PDE11A: variants seen among roughly 807,000 people sequenced by gnomAD.
The protein encoded by PDE11A is phosphodiesterase 11A.
Under a neutral mutation model 100.5 loss-of-function variants are expected in PDE11A, and 100 were observed. That is an observed-to-expected ratio of 1.00 (90% CI 0.85 to 1.18). The LOEUF is 1.18. Ranked by LOEUF, PDE11A falls within the 50% of genes most tolerant of loss-of-function variation. PDE11A has a pLI of 0.00. For missense variants in PDE11A, 1,141 were observed against 1,152.6 expected (o/e 0.99, Z 0.15); for synonymous variants, 381 against 420.8 (o/e 0.91, Z 1.16).
rs1176219148 is a variant in PDE11A, at chr2:177,624,164, T to C, written c.*5243A>G. 1 of 152,180 alleles carries C rather than the reference T, an allele frequency of 6.6e-6. No homozygotes were observed. Among genetic ancestry groups the C allele is most frequent in the Non-Finnish European group, 1.5e-5 (1 of 68,020 alleles). 9.4% of individuals were successfully genotyped at this position (152,180 alleles called of 1,614,324 possible). ...TCAGAGACTGTTACTCTGAAGCAGA[T>C]AATGAAACTTCATTACAGTGGCATT... is the stretch of plus-strand genomic sequence containing the variant. On this transcript the variant is annotated 3_prime_UTR_variant, in exon 20 of 20. Coordinates refer to ENST00000286063, the MANE Select transcript of PDE11A (RefSeq NM_016953.4).
At chr2:177,724,226 C>T (rs1405110512) in intron 12 of PDE11A, among the ~76,000 whole-genome samples, 1 of 151,800 alleles carries the variant, frequency 6.6e-6, no homozygotes, top group Admixed American at 6.6e-5. Flanking sequence ...AATTTCAGAC[C>T]AGAGGCATGG....
chr2:177,985,825 G>A (rs1191311783), intron 2 of PDE11A, among the ~76,000 whole-genome samples: 2 of 152,202 alleles, frequency 1.3e-5, no homozygotes, highest in Non-Finnish European at 2.9e-5. Flanking sequence ...TATGTGAAGA[G>A]CAGAACAATG....
At chr2:177,870,777 G>A (rs376053306) in intron 5 of PDE11A, among the ~76,000 whole-genome samples, 6 of 152,308 alleles carry the variant, frequency 3.9e-5, no homozygotes, top group African/African-American at 1.4e-4. Context: ...GATAATTCAT[G>A]TGCAGTACTT....
intron 13 of PDE11A, among the ~76,000 whole-genome samples, chr2:177,705,128 C>A (rs1448313864): frequency 6.6e-6 from 1 of 152,122 alleles, no homozygotes; most frequent in African/African-American, 2.4e-5. Context: ...GCATGAGCCA[C>A]TGTGCCTGGC....
intron 9 of PDE11A, among the ~76,000 whole-genome samples, chr2:177,803,225 C>G (rs1440745802): frequency 2.0e-5 from 3 of 151,304 alleles, no homozygotes; most frequent in Non-Finnish European, 3.0e-5. Flanking sequence ...AAGCAAAATC[C>G]CTCATTAAAA....
At chr2:178,036,763 C>T (rs1039565399) in intron 1 of PDE11A, among the ~76,000 whole-genome samples, 2 of 152,088 alleles carry the variant, frequency 1.3e-5, no homozygotes, top group Non-Finnish European at 2.9e-5. Flanking sequence ...CAAAAACAAG[C>T]AGTGGAGAAA....
At chr2:177,730,615 G>A (rs1329083572) in intron 10 of PDE11A, among the ~76,000 whole-genome samples, 2 of 150,926 alleles carry the variant, frequency 1.3e-5, no homozygotes, top group African/African-American at 2.4e-5. Flanking sequence ...TTAATACCAC[G>A]GTTTTCATTC....
chr2:177,735,158 A>G (rs1343079210), intron 10 of PDE11A, among the ~76,000 whole-genome samples: 1 of 152,254 alleles, frequency 6.6e-6, no homozygotes, highest in Admixed American at 6.5e-5. Flanking sequence ...GGGGCACCAC[A>G]GGAACCCCCG....
chr2:177,829,777 C>A (rs1041522711), intron 6 of PDE11A, among the ~76,000 whole-genome samples: 12 of 151,956 alleles, frequency 7.9e-5, no homozygotes, highest in African/African-American at 2.7e-4. Context: ...TCTAAGATGG[C>A]CTCTAAGAAT....
At chr2:177,805,293 A>C (rs2082853872) in intron 9 of PDE11A, among the ~76,000 whole-genome samples, 1 of 151,954 alleles carries the variant, frequency 6.6e-6, no homozygotes, top group African/African-American at 2.4e-5. Context: ...CCTTACAAGA[A>C]TTTATCACAA....
At chr2:177,836,022 G>A (rs1010928864) in intron 6 of PDE11A, among the ~76,000 whole-genome samples, 8 of 152,188 alleles carry the variant, frequency 5.3e-5, no homozygotes, top group Non-Finnish European at 8.8e-5. Context: ...TGCAGCACCC[G>A]GTCCTATCGA....
At chr2:178,066,848 A>C (rs1053666708) in intron 1 of PDE11A, among the ~76,000 whole-genome samples, 11 of 152,074 alleles carry the variant, frequency 7.2e-5, no homozygotes, top group African/African-American at 2.7e-4. Context: ...ATCCCTTCGG[A>C]CTCTCAGACT....
intron 15 of PDE11A, among the ~76,000 whole-genome samples, chr2:177,695,845 G>A (rs982249413): frequency 2.0e-5 from 3 of 152,160 alleles, no homozygotes; most frequent in Non-Finnish European, 2.9e-5. Context: ...TCTAACTGAT[G>A]CAATGCCACA....
chr2:177,638,085 C>T (rs2080077902), intron 19 of PDE11A, among the ~76,000 whole-genome samples: 3 of 149,298 alleles, frequency 2.0e-5, no homozygotes, highest in African/African-American at 2.5e-5. Flanking sequence ...CTGCAAGCTC[C>T]GCCTCCCAGG....
At chr2:177,947,576 G>C (rs1300910649) in intron 2 of PDE11A, among the ~76,000 whole-genome samples, 4 of 151,874 alleles carry the variant, frequency 2.6e-5, no homozygotes, top group South Asian at 2.1e-4. Context: ...CAGCATGCTC[G>C]TTAAGAGTCA....
At position 177,798,986 on chromosome 2, in the gene PDE11A, T is replaced by C. The variant is rs190383877; in HGVS notation, c.1737+17843A>G. 1.6e-3 allele frequency among the ~76,000 whole-genome samples: 237 copies of C among 152,314 alleles called. 1 individual carries two copies. The highest frequency in any genetic ancestry group is 5.3e-3 in the African/African-American group (220 of 41,572). On this transcript the variant is annotated intron_variant, in intron 9 of 19. Transcript: ENST00000286063. ...AGACGATCAAGGTTAACATCAATCA[T>C]GGTAAGTCATTTTGATAGTATGTCC... is the stretch of plus-strand genomic sequence containing the variant.
chr2:177,851,046 A>C (rs2083691822), intron 5 of PDE11A, among the ~76,000 whole-genome samples: 1 of 152,202 alleles, frequency 6.6e-6, no homozygotes, highest in African/African-American at 2.4e-5. Flanking sequence ...GTATATACCC[A>C]AAGGATTATA....
Position 177,745,149 on chromosome 2 carries a change from T to C in PDE11A, c.1789-16977A>G, listed in dbSNP as rs192719160. On this transcript the variant is annotated intron_variant, in intron 10 of 19. Coordinates refer to ENST00000286063, the MANE Select transcript of PDE11A (RefSeq NM_016953.4). ...CATTCCTTTTCACAAATACCTTTCC[T>C]TCTTATCCCAAGCTATAGAAGACCA... Among the ~76,000 whole-genome samples the C allele has an allele frequency of 3.3e-5, 5 of 152,326 alleles. No homozygotes were observed. The East Asian group carries it at 7.7e-4, about 24-fold the overall frequency.
At chr2:178,009,767 C>G (rs933017228) in intron 2 of PDE11A, among the ~76,000 whole-genome samples, 1 of 152,164 alleles carries the variant, frequency 6.6e-6, no homozygotes, top group Non-Finnish European at 1.5e-5. Flanking sequence ...ACATAAATAG[C>G]CCAGAAATCA....
Sources: gnomAD v4.1 joint callset for allele counts (sites outside exome capture counted in the v4.1 genomes callset) on GRCh38, gnomAD v4.1.1 for gene constraint, MANE v1.5 for transcripts, NCBI Gene and HGNC (gene_info 2026-07-23, HGNC 2026-07-21) for gene names.